The following KLF12 variants were observed in gnomAD, a reference collection of about 807,000 sequenced individuals.
The protein encoded by KLF12 is Krueppel-like factor 12.
A neutral mutation model predicts 37.8 loss-of-function variants in KLF12; 9 were observed. The observed-to-expected ratio is 0.24, with a 90% CI of 0.14 to 0.42. KLF12 has a LOEUF of 0.42. Among genes scored for constraint, KLF12 ranks in the 10% least tolerant of loss-of-function variants. The pLI, the probability that KLF12 is intolerant of heterozygous loss-of-function variation, is 1.00. For missense variants in KLF12, 411 were observed against 516.0 expected (o/e 0.80, Z 1.97); for synonymous variants, 208 against 202.1 (o/e 1.03, Z -0.25).
chr13:74,160,211 C>T, the KLF12 span, among the ~76,000 whole-genome samples: 1 of 152,124 alleles, frequency 6.6e-6, no homozygotes, highest in African/African-American at 2.4e-5. Context: ...ATAATTTCTT[C>T]TTTAGTGTAC....
chr13:73,783,866 C>T (rs946955916), intron 5 of KLF12, among the ~76,000 whole-genome samples: 3 of 152,096 alleles, frequency 2.0e-5, no homozygotes, highest in African/African-American at 7.2e-5. Flanking sequence ...GCAAACCGGA[C>T]ACAGTTCTAA....
At chr13:74,042,536 G>A (rs1307616875) in intron 1 of KLF12, among the ~76,000 whole-genome samples, 2 of 152,126 alleles carry the variant, frequency 1.3e-5, no homozygotes, top group Non-Finnish European at 2.9e-5. Flanking sequence ...AGCAAAACCA[G>A]AAGAGTATCT....
chr13:74,135,546 C>G (rs1878520336), upstream of KLF12, among the ~76,000 whole-genome samples: 1 of 151,242 alleles, frequency 6.6e-6, no homozygotes, highest in African/African-American at 2.4e-5. Flanking sequence ...GGGTCAGCGC[C>G]GAGCCGGAGG....
intron 3 of KLF12, among the ~76,000 whole-genome samples, chr13:73,919,320 AGAG>A (rs1429679691): frequency 1.3e-5 from 2 of 152,208 alleles, no homozygotes; most frequent in African/African-American, 4.8e-5. Flanking sequence ...ACCCCATGAC[AGAG>A]GAGTTCTGAC....
At chr13:73,805,618 G>GAGGGAGGGAGGGAGGAAGGA (rs1566380057) in intron 5 of KLF12, among the ~76,000 whole-genome samples, 4 of 42,016 alleles carry the variant, frequency 9.5e-5, no homozygotes, top group South Asian at 1.3e-3. Context: ...GGAAGGGAGG[G>GAGGGAGGGAGGGAGGAAGGA]AGGGAGGGAG....
chr13:74,123,885 T>C (rs1447504602), intron 1 of KLF12, among the ~76,000 whole-genome samples: 2 of 152,218 alleles, frequency 1.3e-5, no homozygotes, highest in Non-Finnish European at 2.9e-5. Flanking sequence ...TCTAGACTTT[T>C]ACCTTCTCCT....
chr13:74,028,989 T>TA lies in KLF12; in HGVS notation c.-31-33937dup, dbSNP rs1352096774. On this transcript the variant is annotated intron_variant, in intron 1 of 7. Transcript: ENST00000377669. ...ACTAACTTCCAGATGCCCTGCCAGATAGTTTACATAGTTCCCTTTTACATA... is the reference window on the plus strand; with the variant it reads ...ACTAACTTCCAGATGCCCTGCCAGATAAGTTTACATAGTTCCCTTTTACATA... Among the ~76,000 whole-genome samples the TA allele has an allele frequency of 2.0e-5, 3 of 152,128 alleles. No individual in the cohort carries two copies. The South Asian group carries it at 6.2e-4, about 31-fold the overall frequency.
intron 4 of KLF12, among the ~76,000 whole-genome samples, chr13:73,839,255 GTTA>G (rs775392683): frequency 2.2e-5 from 2 of 92,468 alleles, no homozygotes; most frequent in African/African-American, 3.5e-5. Context: ...ACCATACCTG[GTTA>G]TTTTTTTTTT....
At chr13:74,233,444 T>C in the KLF12 span, among the ~76,000 whole-genome samples, 1 of 152,136 alleles carries the variant, frequency 6.6e-6, no homozygotes, top group South Asian at 2.1e-4. Flanking sequence ...GGACAAGTAT[T>C]TCACGAGCAA....
intron 2 of KLF12, among the ~76,000 whole-genome samples, chr13:73,993,477 A>G (rs1892026622): frequency 6.6e-6 from 1 of 152,250 alleles, no homozygotes; most frequent in African/African-American, 2.4e-5. Flanking sequence ...TTATAAACTT[A>G]CAAAGCTAAC....
At position 73,842,982 on chromosome 13, in the gene KLF12, A is replaced by T. The variant is rs1291464565; in HGVS notation, c.670+2845T>A. Among the ~76,000 whole-genome samples, 7 of 152,370 alleles carry T rather than the reference A, an allele frequency of 4.6e-5. No individual in the cohort carries two copies. The East Asian group carries it at 1.3e-3, about 29-fold the overall frequency. Reference sequence around the variant, plus strand: ...TAAAAAAGTATAAAATGCTATAGCAACATTTGTAGAATATGGTGATTATAA... The same window carrying T: ...TAAAAAAGTATAAAATGCTATAGCATCATTTGTAGAATATGGTGATTATAA... On this transcript the variant is annotated intron_variant, in intron 4 of 7. Coordinates refer to ENST00000377669, the MANE Select transcript of KLF12 (RefSeq NM_007249.5).
chr13:73,786,076 A>G (rs1453414659), intron 5 of KLF12, among the ~76,000 whole-genome samples: 1 of 151,776 alleles, frequency 6.6e-6, no homozygotes, highest in Non-Finnish European at 1.5e-5. Flanking sequence ...CTGTGCAAAG[A>G]GGCTGGGTCT....
intron 1 of KLF12, among the ~76,000 whole-genome samples, chr13:74,118,918 A>C (rs777413311): frequency 6.6e-6 from 1 of 152,194 alleles, no homozygotes; most frequent in Non-Finnish European, 1.5e-5. Flanking sequence ...GTGAAGAGAA[A>C]ACTAAAGGAG....
chr13:74,098,015 AGGCTACTACT>A (rs1405981300), intron 1 of KLF12, among the ~76,000 whole-genome samples: 3 of 152,184 alleles, frequency 2.0e-5, no homozygotes, highest in African/African-American at 7.2e-5. Context: ...TTATTTTTAC[AGGCTACTACT>A]AGCCTCGACT....
At chr13:73,751,867 T>G (rs1566342125) in intron 6 of KLF12, among the ~76,000 whole-genome samples, 1 of 152,098 alleles carries the variant, frequency 6.6e-6, no homozygotes, top group Non-Finnish European at 1.5e-5. Flanking sequence ...AATGGGCTGC[T>G]GACAGCATGT....
chr13:74,105,906 G>T (rs1156798366), intron 1 of KLF12, among the ~76,000 whole-genome samples: 1 of 152,154 alleles, frequency 6.6e-6, no homozygotes, highest in Non-Finnish European at 1.5e-5. Flanking sequence ...CTTCAGCATG[G>T]CCACTGATAT....
the KLF12 span, among the ~76,000 whole-genome samples, chr13:74,253,017 A>G: frequency 2.7e-5 from 3 of 109,930 alleles, no homozygotes; most frequent in South Asian, 2.8e-4. Context: ...CTATCTATCT[A>G]TCTATCTGTC....
rs762948057 is a variant in KLF12 at position 73,944,060 on chromosome 13, G to C, written c.44C>G (p.Thr15Ser). ...AAGCATTAACATTCTGTTCTCAAAGGTGTTGATATTCTGAGAATAGAAGGG... is the reference window on the plus strand; with the variant it reads ...AAGCATTAACATTCTGTTCTCAAAGCTGTTGATATTCTGAGAATAGAAGGG... Residue 15 changes from threonine (T) to serine (S), a missense_variant, in exon 3 of 8, where the codon ACC (threonine) becomes AGC (serine). Around this residue, in one of 2 missense-constraint regions of KLF12, gnomAD observed 351 missense variants for 397.8 expected, o/e 0.88. Transcript: ENST00000377669. 6.2e-7 allele frequency: 1 copy of C among 1,604,982 alleles called. No individual in the cohort carries two copies. Among genetic ancestry groups the C allele is most frequent in the Admixed American group, 1.7e-5 (1 of 59,980 alleles).
intron 6 of KLF12, among the ~76,000 whole-genome samples, chr13:73,761,507 T>A (rs1442232393): frequency 6.6e-6 from 1 of 152,154 alleles, no homozygotes; most frequent in African/African-American, 2.4e-5. Context: ...TTCCCATTAG[T>A]TTCTCCCGCT....
Sources: gnomAD v4.1 joint callset for allele counts (sites outside exome capture counted in the v4.1 genomes callset) on GRCh38, gnomAD v4.1.1 for gene constraint, gnomAD v4.1.1 regional missense constraint, MANE v1.5 for transcripts, NCBI Gene and HGNC (gene_info 2026-07-23, HGNC 2026-07-21) for gene names.